Variants in PCDHA3 observed in about 807,000 individuals in gnomAD.
PCDHA3 encodes protocadherin alpha 3.
PCDHA3 carries 41 observed loss-of-function variants against 62.2 expected under a neutral mutation model. That is an observed-to-expected ratio of 0.66 (90% CI 0.51 to 0.86). The LOEUF (loss-of-function observed/expected upper bound fraction) is 0.86. PCDHA3 is among the 40% of genes least tolerant of loss of function. PCDHA3 has a pLI of 0.00. For missense variants in PCDHA3, 1,304 were observed against 1,241.2 expected (o/e 1.05, Z -0.76); for synonymous variants, 640 against 555.4 (o/e 1.15, Z -2.14).
rs151084513 is a variant in PCDHA3, at chr5:140,927,608, G to T, written c.2395-51341G>T. The T allele has an allele frequency of 1.2e-6, 2 of 1,614,168 alleles. No individual in the cohort carries two copies. The highest frequency in any genetic ancestry group is 3.3e-4 in the Middle Eastern group (2 of 6,062). Reference sequence around the variant, plus strand: ...CCTGTATTTGAGCGCTCCGTATACCGCACCAAGGTTCCAGAGACTGCACCC... The same window carrying T: ...CCTGTATTTGAGCGCTCCGTATACCTCACCAAGGTTCCAGAGACTGCACCC... On this transcript the variant is annotated intron_variant, in intron 1 of 3. Coordinates refer to ENST00000522353, the MANE Select transcript of PCDHA3 (RefSeq NM_018906.3).
At chr5:140,927,630 A>C in intron 1 of PCDHA3, 1 of 1,614,182 alleles carries the variant, frequency 6.2e-7, no homozygotes, top group Non-Finnish European at 8.5e-7. Context: ...CAGAGACTGC[A>C]CCCAATGGGA....
rs782330832 is a variant in PCDHA3, at chr5:140,801,185, G to A, written c.-13G>A. On this transcript the variant is annotated 5_prime_UTR_variant, in exon 1 of 4. Coordinates refer to ENST00000522353, the MANE Select transcript of PCDHA3 (RefSeq NM_018906.3). ...CAATGTAAAGGCAATCTAATATTTG[G>A]AAAATACTTGCAATGTTGTTCTCCT... 59 of 1,575,978 alleles carry A rather than the reference G, an allele frequency of 3.7e-5. No homozygotes were observed. The Admixed American group carries it at 8.7e-4, about 23-fold the overall frequency.
chr5:140,841,175 A>G (rs1265444070), intron 1 of PCDHA3: 19 of 1,071,444 alleles, frequency 1.8e-5, no homozygotes, highest in African/African-American at 3.2e-5. Flanking sequence ...CTGGTTGGTC[A>G]ATGTTCAAAG....
chr5:140,841,588 G>C, intron 1 of PCDHA3: 1 of 1,614,070 alleles, frequency 6.2e-7, no homozygotes. Context: ...TGAATTCTCG[G>C]ATCGACCGCG....
At chr5:140,912,694 G>A (rs1328426442) in intron 1 of PCDHA3, among the ~76,000 whole-genome samples, 1 of 152,090 alleles carries the variant, frequency 6.6e-6, no homozygotes, top group Non-Finnish European at 1.5e-5. Flanking sequence ...GGTCTCAGGG[G>A]GAATGCTTTC....
intron 3 of PCDHA3, among the ~76,000 whole-genome samples, chr5:140,996,043 C>T (rs1282990779): frequency 6.6e-6 from 1 of 152,202 alleles, no homozygotes; most frequent in Non-Finnish European, 1.5e-5. Context: ...GCACTTAACA[C>T]AGTGCTTGGC....
chr5:140,803,133 C>G lies in PCDHA3; in HGVS notation c.1936C>G (p.Arg646Gly), dbSNP rs1554122593. The stretch of plus-strand genomic sequence containing the variant: ...GGACGAGGTGGACGCCCCGCGCCAT[C>G]GCCTACTGGTGCTGGTGAAGGACCA... ...ALDEVDAPRH[R>G]LLVLVKDHGE... Residue 646 changes from arginine to glycine, a missense_variant, in exon 1 of 4, where the codon CGC becomes GGC. Coordinates refer to ENST00000522353, the MANE Select transcript of PCDHA3 (RefSeq NM_018906.3). The G allele has an allele frequency of 1.2e-6, 2 of 1,613,726 alleles. No individual in the cohort carries two copies. Among genetic ancestry groups the G allele is most frequent in the African/African-American group, 1.3e-5 (1 of 74,940 alleles).
chr5:140,946,219 G>T (rs2093905754), intron 1 of PCDHA3, among the ~76,000 whole-genome samples: 1 of 151,856 alleles, frequency 6.6e-6, no homozygotes, highest in African/African-American at 2.4e-5. Context: ...TGACCAACAG[G>T]TATACTAAAA....
chr5:140,945,201 T>G (rs1168662297), intron 1 of PCDHA3, among the ~76,000 whole-genome samples: 1 of 152,172 alleles, frequency 6.6e-6, no homozygotes, highest in Middle Eastern at 3.4e-3. Context: ...CTATTTACAA[T>G]AGCTATGAGA....
chr5:140,964,930 G>A (rs1480159584), intron 1 of PCDHA3, among the ~76,000 whole-genome samples: 12 of 152,306 alleles, frequency 7.9e-5, no homozygotes, highest in Middle Eastern at 3.4e-3. Flanking sequence ...CTAGGTAGTG[G>A]AGCATTGATA....
chr5:140,966,149 G>C (rs1347243484), intron 1 of PCDHA3: 1 of 167,682 alleles, frequency 6.0e-6, no homozygotes, highest in Non-Finnish European at 1.3e-5. Flanking sequence ...TTCCTGAATT[G>C]CGCTTGGAGA....
At chr5:141,005,687 G>A (rs1454342103) in intron 3 of PCDHA3, among the ~76,000 whole-genome samples, 3 of 116,164 alleles carry the variant, frequency 2.6e-5, no homozygotes, top group African/African-American at 7.0e-5. Context: ...GGGCGACAGA[G>A]CGAAACTCCG....
At chr5:140,971,682 T>C (rs782404162) in intron 1 of PCDHA3, among the ~76,000 whole-genome samples, 5 of 152,156 alleles carry the variant, frequency 3.3e-5, no homozygotes, top group Non-Finnish European at 4.4e-5. Flanking sequence ...AGTAAGGGAA[T>C]TTGTACTCAC....
intron 1 of PCDHA3, chr5:140,871,620 T>C: frequency 7.1e-7 from 1 of 1,405,980 alleles, no homozygotes; most frequent in Non-Finnish European, 9.4e-7. Context: ...TTGTTTTAGA[T>C]AACAATGTCT....
chr5:140,817,019 TGAGA>T (rs1392520193), intron 1 of PCDHA3: 18 of 152,026 alleles, frequency 1.2e-4, no homozygotes, highest in African/African-American at 4.1e-4. Context: ...CTTTCCCTCA[TGAGA>T]GAGAGAGTGC....
At chr5:140,831,756 AT>A (rs1554133366) in intron 1 of PCDHA3, among the ~76,000 whole-genome samples, 1 of 152,022 alleles carries the variant, frequency 6.6e-6, no homozygotes, top group Non-Finnish European at 1.5e-5. Context: ...ATCGCTACCA[AT>A]TTTGTTTTGT....
rs781891946 is a variant in PCDHA3 at position 140,801,310 on chromosome 5, A to C, written c.113A>C (p.Glu38Ala). The C allele has an allele frequency of 6.2e-7, 1 of 1,613,378 alleles. No homozygotes were observed. Residue 38 changes from glutamate (E) to alanine (A), a missense_variant, in exon 1 of 4, where the codon GAG becomes GCG. Physicochemically the swap from Glu to Ala is moderately radical, Grantham distance 107 (BLOSUM62 -1). Coordinates refer to ENST00000522353, the MANE Select transcript of PCDHA3 (RefSeq NM_018906.3). Reference protein sequence around the residue: ...SGQLHYSVSEEAKHGTFVGRI... With the variant: ...SGQLHYSVSEAAKHGTFVGRI... ...CAGCTCCACTACTCCGTCTCTGAGG[A>C]GGCCAAGCATGGCACCTTCGTGGGC...
chr5:140,807,418 A>C, intron 1 of PCDHA3: 1 of 1,591,824 alleles, frequency 6.3e-7, no homozygotes, highest in Non-Finnish European at 8.5e-7. Context: ...TTCTGGAGGT[A>C]AATCTGCAGA....
At chr5:140,905,910 A>G (rs2153491860) in intron 1 of PCDHA3, among the ~76,000 whole-genome samples, 1 of 152,334 alleles carries the variant, frequency 6.6e-6, no homozygotes, top group Admixed American at 6.5e-5. Context: ...GGAGCAAGGA[A>G]TCCAATCTGA....
Sources: allele counts gnomAD v4.1 joint callset (sites outside exome capture counted in the v4.1 genomes callset), GRCh38; gene constraint gnomAD v4.1.1; transcripts MANE v1.5; gene names NCBI Gene and HGNC (gene_info 2026-07-23, HGNC 2026-07-21).